Variants in KDM5B observed in about 807,000 individuals in gnomAD.
KDM5B encodes lysine-specific demethylase 5B.
A neutral mutation model predicts 193.4 loss-of-function variants in KDM5B; 144 were observed. The ratio of observed to expected loss-of-function variants is 0.74; its 90% CI spans 0.65 to 0.86. The LOEUF (loss-of-function observed/expected upper bound fraction) is 0.86, where lower values mean the gene tolerates loss of function less well. Among genes scored for constraint, KDM5B ranks in the 40% least tolerant of loss-of-function variants. KDM5B has a pLI of 0.00. For missense variants in KDM5B, 1,833 were observed against 1,886.9 expected, an observed-to-expected ratio of 0.97 and a Z score of 0.53; for synonymous variants, 668 against 682.6, an observed-to-expected ratio of 0.98 and a Z score of 0.33.
At chr1:202,782,613 T>G (rs1657244797) in intron 1 of KDM5B, among the ~76,000 whole-genome samples, 3 of 152,198 alleles carry the variant, frequency 2.0e-5, no homozygotes, top group Admixed American at 2.0e-4. Context: ...AATTATGTAG[T>G]CAAATAAATA....
intron 16 of KDM5B, among the ~76,000 whole-genome samples, chr1:202,745,341 A>G (rs1558487987): frequency 2.0e-5 from 3 of 152,232 alleles, no homozygotes; most frequent in Non-Finnish European, 4.4e-5. Context: ...AAAGCAAAAA[A>G]CAAACTATAT....
Position 202,755,367 on chromosome 1 carries a change from C to G in KDM5B, c.1442G>C (p.Gly481Ala). Residue 481 changes from glycine to alanine, a missense_variant, in exon 11 of 27, where the codon GGC becomes GCC. By Grantham distance (60) the Gly-to-Ala change is moderately conservative. Coordinates refer to ENST00000367265, the MANE Select transcript of KDM5B (RefSeq NM_006618.5). Reference protein sequence around the residue: ...VLAHITADICGMKLPWLYVGM... With the variant: ...VLAHITADICAMKLPWLYVGM... ...CACATACAACCAAGGAAGTTTCATG[C>G]CACATATATCAGCAGTAATATGTGC... 1 of 1,613,630 alleles carries G rather than the reference C, an allele frequency of 6.2e-7. No homozygotes were observed. Among genetic ancestry groups the G allele is most frequent in the Non-Finnish European group, 8.5e-7 (1 of 1,179,548 alleles).
chr1:202,795,050 C>A (rs763003582), intron 1 of KDM5B, among the ~76,000 whole-genome samples: 3 of 150,892 alleles, frequency 2.0e-5, no homozygotes, highest in Non-Finnish European at 4.4e-5. Flanking sequence ...CCCAACTCTA[C>A]TAAAAATACA....
At chr1:202,782,123 A>C (rs1039967169) in intron 1 of KDM5B, among the ~76,000 whole-genome samples, 7 of 152,194 alleles carry the variant, frequency 4.6e-5, no homozygotes, top group Admixed American at 2.0e-4. Context: ...AATATGTTTA[A>C]AACTAAAGAA....
At chr1:202,801,264 G>A (rs1261776077) in intron 1 of KDM5B, among the ~76,000 whole-genome samples, 1 of 73,710 alleles carries the variant, frequency 1.4e-5, no homozygotes, top group Non-Finnish European at 4.4e-5. Context: ...AAGCTTAAAT[G>A]CTTAAAAAAA....
rs200984776 is a variant in KDM5B at position 202,780,939 on chromosome 1, C to T, written c.205-3845G>A. Among the ~76,000 whole-genome samples, 26 of 152,222 alleles carry T rather than the reference C, an allele frequency of 1.7e-4. No homozygotes were observed. The East Asian group carries it at 4.8e-3, about 28-fold the overall frequency. On this transcript the variant is annotated intron_variant, in intron 1 of 26. Coordinates refer to ENST00000367265, the MANE Select transcript of KDM5B (RefSeq NM_006618.5). ...CATATGCAGATTTTAAATAATATCACAATAATAAGGAGAAAAGAGGCTTTT... is the reference window on the plus strand; with the variant it reads ...CATATGCAGATTTTAAATAATATCATAATAATAAGGAGAAAAGAGGCTTTT...
Position 202,764,085 on chromosome 1 carries a change from G to C in KDM5B, c.772C>G (p.Arg258Gly). The change falls in exon 6 of 27, where the codon CGT (arginine) becomes GGT (glycine). Residue 258 changes from arginine (R) to glycine (G), a missense_variant. Arg to Gly is a moderately radical substitution (Grantham distance 125, BLOSUM62 -2). Transcript: ENST00000367265. ...TTTGGAGTTGGACAACCCATTCGAC[G>C]TCTCAGATTATGAGTTCTGGCTTCC... The part of the protein sequence containing the change: ...TTEARTHNLR[R>G]RMGCPTPKCE... 1 of 1,582,090 alleles carries C rather than the reference G, an allele frequency of 6.3e-7. No homozygotes were observed. The highest frequency in any genetic ancestry group is 1.9e-5 in the Admixed American group (1 of 53,872).
intron 7 of KDM5B, among the ~76,000 whole-genome samples, chr1:202,761,973 G>T (rs1656267210): frequency 6.6e-6 from 1 of 151,602 alleles, no homozygotes; most frequent in Non-Finnish European, 1.5e-5. Context: ...GAGGGGGTGG[G>T]GCAGAAGGTG....
At chr1:202,778,118 T>G (rs1471166697) in intron 1 of KDM5B, among the ~76,000 whole-genome samples, 1 of 151,646 alleles carries the variant, frequency 6.6e-6, no homozygotes, top group Non-Finnish European at 1.5e-5. Flanking sequence ...GAGGTTGCAG[T>G]GAGCCAAGAT....
intron 9 of KDM5B, among the ~76,000 whole-genome samples, chr1:202,757,937 G>A (rs534533175): frequency 4.6e-4 from 70 of 152,290 alleles, no homozygotes; most frequent in African/African-American, 1.5e-3. Flanking sequence ...AATGGAAAAT[G>A]CTTATGCTTC....
chr1:202,798,053 C>G (rs1657920792), intron 1 of KDM5B, among the ~76,000 whole-genome samples: 1 of 152,086 alleles, frequency 6.6e-6, no homozygotes, highest in African/African-American at 2.4e-5. Context: ...ACTAGCTGGG[C>G]ATGATGGTAT....
rs146496217 is a variant in KDM5B at position 202,798,934 on chromosome 1, G to A, written c.204+9168C>T. 3.7e-3 allele frequency among the ~76,000 whole-genome samples: 565 copies of A among 151,930 alleles called. 3 individuals are homozygous for A. Among genetic ancestry groups the A allele is most frequent in the Middle Eastern group, 0.02 (6 of 294 alleles). On this transcript the variant is annotated intron_variant, in intron 1 of 26. Coordinates refer to ENST00000367265, the MANE Select transcript of KDM5B (RefSeq NM_006618.5). Reference sequence around the variant, plus strand: ...ATTCAGGAGGCCGAGGTGAGAGGACGGCTTGAGCTCATGAGGTCAAGGCTG... The same window carrying A: ...ATTCAGGAGGCCGAGGTGAGAGGACAGCTTGAGCTCATGAGGTCAAGGCTG...
At chr1:202,797,142 G>A (rs1657883427) in intron 1 of KDM5B, 1 of 152,266 alleles carries the variant, frequency 6.6e-6, no homozygotes, top group African/African-American at 2.4e-5. Context: ...CCAACAGATG[G>A]GGAAAGAGGG....
At position 202,808,289 on chromosome 1, in the gene KDM5B, G is replaced by A. The variant is rs753993854; in HGVS notation, c.17C>T (p.Thr6Ile). 1.2e-6 allele frequency: 2 copies of A among 1,601,436 alleles called. No individual in the cohort carries two copies. The highest frequency in any genetic ancestry group is 2.2e-5 in the East Asian group (1 of 44,568). The change falls in exon 1 of 27, where the codon ACA becomes ATA. Residue 6 changes from threonine (T) to isoleucine (I), a missense_variant. This residue lies in a region of KDM5B where 355 missense variants were observed against 374.9 expected (regional missense o/e 0.95). Transcript: ENST00000367265. MEAAT[T>I]LHPGPRPALP... ...CGCCGGGCGCGGGCCTGGGTGCAGT[G>A]TGGTGGCCGCCTCCATCACCGCAGG...
rs1356333696 is a variant in KDM5B, at chr1:202,801,295, T to C, written c.204+6807A>G. On this transcript the variant is annotated intron_variant, in intron 1 of 26. Transcript: ENST00000367265. ...AAAAAAAAAGCAGCAGCAGCACATA[T>C]GGGATGACTCTAAGGCCATGTGTAA... 2.0e-5 allele frequency among the ~76,000 whole-genome samples: 3 copies of C among 151,840 alleles called. No homozygotes were observed. The East Asian group carries it at 5.8e-4, about 29-fold the overall frequency.
At chr1:202,751,523 A>G (rs1655791079) in intron 12 of KDM5B, among the ~76,000 whole-genome samples, 1 of 152,154 alleles carries the variant, frequency 6.6e-6, no homozygotes, top group Admixed American at 6.5e-5. Context: ...TCACAGGAAC[A>G]CCATATCTTC....
intron 7 of KDM5B, among the ~76,000 whole-genome samples, chr1:202,760,847 G>C (rs575585728): frequency 1.1e-4 from 17 of 152,210 alleles, no homozygotes; most frequent in East Asian, 3.9e-4. Flanking sequence ...CTAGTTTTTA[G>C]TAGGTTCCAA....
intron 1 of KDM5B, among the ~76,000 whole-genome samples, chr1:202,786,610 A>G (rs1302811771): frequency 6.6e-6 from 1 of 151,876 alleles, no homozygotes; most frequent in Non-Finnish European, 1.5e-5. Flanking sequence ...TTTTGCACCA[A>G]CCTAATACCA....
intron 16 of KDM5B, among the ~76,000 whole-genome samples, chr1:202,743,328 C>A (rs1655421573): frequency 1.2e-5 from 1 of 86,564 alleles, no homozygotes; most frequent in Non-Finnish European, 2.1e-5. Context: ...CAGAGCAAGA[C>A]CTTGTCTCAA....
Sources: gnomAD v4.1 joint callset for allele counts (sites outside exome capture counted in the v4.1 genomes callset) on GRCh38, gnomAD v4.1.1 for gene constraint, gnomAD v4.1.1 regional missense constraint, MANE v1.5 for transcripts, NCBI Gene and HGNC (gene_info 2026-07-23, HGNC 2026-07-21) for gene names.